Variants in ELOVL7 observed in about 807,000 individuals in gnomAD.
The protein encoded by ELOVL7 is ELOVL fatty acid elongase 7.
In ELOVL7, 27 loss-of-function variants were observed where a neutral mutation model predicts 35.7. That is an observed-to-expected ratio of 0.76 (90% CI 0.56 to 1.04). The LOEUF (loss-of-function observed/expected upper bound fraction) is 1.04. Among genes scored for constraint, ELOVL7 ranks in the 50% least tolerant of loss-of-function variants. The pLI is 0.00. For synonymous variants in ELOVL7, 113 were observed against 114.6 expected (o/e 0.99, Z 0.09); for missense variants, 327 against 340.8 (o/e 0.96, Z 0.32).
intron 3 of ELOVL7, among the ~76,000 whole-genome samples, chr5:60,784,377 A>G (rs984204489): frequency 3.9e-5 from 6 of 152,264 alleles, no homozygotes; most frequent in African/African-American, 1.4e-4. Context: ...TATTTTAAAC[A>G]TTAAAAACTT....
At chr5:60,755,219 A>G (rs763209993) in intron 8 of ELOVL7, among the ~76,000 whole-genome samples, 1 of 152,222 alleles carries the variant, frequency 6.6e-6, no homozygotes, top group Non-Finnish European at 1.5e-5. Flanking sequence ...TATGATTTCA[A>G]TTTCAAATAT....
intron 1 of ELOVL7, among the ~76,000 whole-genome samples, chr5:60,819,501 G>C (rs1445972068): frequency 1.3e-5 from 2 of 152,108 alleles, no homozygotes; most frequent in African/African-American, 4.8e-5. Flanking sequence ...ACGATCATAG[G>C]CTGGGAACGG....
At chr5:60,785,896 GT>G (rs1245621046) in intron 3 of ELOVL7, 1 of 152,198 alleles carries the variant, frequency 6.6e-6, no homozygotes, top group Non-Finnish European at 1.5e-5. Flanking sequence ...GTCTTTAGTA[GT>G]CTGCTGAGAA....
At position 60,772,066 on chromosome 5, in the gene ELOVL7, A is replaced by T; in HGVS notation, c.92T>A (p.Met31Lys). 1 of 1,610,860 alleles carries T rather than the reference A, an allele frequency of 6.2e-7. No homozygotes were observed. Among genetic ancestry groups the T allele is most frequent in the Non-Finnish European group, 8.5e-7 (1 of 1,178,420 alleles). The change falls in exon 4 of 9, where the codon ATG becomes AAG. Residue 31 changes from methionine (M) to lysine (K), a missense_variant. Physicochemically the swap from Met to Lys is moderately conservative, Grantham distance 95 (BLOSUM62 -1). Coordinates refer to ENST00000508821, the MANE Select transcript of ELOVL7 (RefSeq NM_024930.3). ...GATGGTTTGTGGCAGAGGCGAGGAC[A>T]TGAGGAGCCAATCTTCAACTCTTGG... ...ADPRVEDWLL[M>K]SSPLPQTILL...
chr5:60,811,800 C>T (rs528740174), intron 1 of ELOVL7, among the ~76,000 whole-genome samples: 72 of 152,278 alleles, frequency 4.7e-4, no homozygotes, highest in African/African-American at 1.7e-3. Flanking sequence ...GCCTCCAGAA[C>T]TGTAAGAAAT....
intron 1 of ELOVL7, among the ~76,000 whole-genome samples, chr5:60,815,027 G>A (rs989782726): frequency 5.3e-5 from 8 of 152,176 alleles, no homozygotes; most frequent in African/African-American, 1.9e-4. Flanking sequence ...CATATGAGCT[G>A]ATAGTCTTAA....
At chr5:60,758,849 T>C (rs1337535784) in intron 7 of ELOVL7, among the ~76,000 whole-genome samples, 1 of 152,210 alleles carries the variant, frequency 6.6e-6, no homozygotes, top group African/African-American at 2.4e-5. Flanking sequence ...TACATTTTTC[T>C]CTAAAACATT....
At chr5:60,779,030 C>T (rs1449847985) in intron 3 of ELOVL7, among the ~76,000 whole-genome samples, 2 of 152,208 alleles carry the variant, frequency 1.3e-5, no homozygotes, top group Non-Finnish European at 2.9e-5. Context: ...CTCAATGCTC[C>T]ACAATGATCA....
chr5:60,756,749 A>G (rs1741561575), intron 8 of ELOVL7, among the ~76,000 whole-genome samples: 1 of 152,150 alleles, frequency 6.6e-6, no homozygotes, highest in African/African-American at 2.4e-5. Context: ...AACCAAATTC[A>G]TACTTTCTCA....
intron 7 of ELOVL7, among the ~76,000 whole-genome samples, chr5:60,760,627 G>A (rs1457987286): frequency 2.0e-5 from 3 of 152,150 alleles, no homozygotes; most frequent in Admixed American, 6.5e-5. Context: ...TTGCTGTGCA[G>A]AAGCTCTTTA....
Position 60,757,521 on chromosome 5 carries a change from T to C in ELOVL7, c.624A>G (p.Thr208=), listed in dbSNP as rs567565911. ...ATTAATTACTCACAAGCTGTAATGA[T>C]GTCAAATATTTTTTCCACCACAAAT... ...QKYLWWKKYL[T]SLQLVQFVIV... is the part of the protein sequence containing the mutation. Residue 208 remains threonine (T), a synonymous_variant, in exon 8 of 9, where the codon ACA becomes ACG. Transcript: ENST00000508821. The C allele has an allele frequency of 6.2e-5, 100 of 1,613,374 alleles. No individual in the cohort carries two copies. In the South Asian group the frequency reaches 7.0e-4, roughly 11 times the overall value.
At chr5:60,807,386 C>G (rs909290652) in intron 1 of ELOVL7, among the ~76,000 whole-genome samples, 2 of 151,896 alleles carry the variant, frequency 1.3e-5, no homozygotes, top group African/African-American at 4.8e-5. Context: ...TGACTATAAA[C>G]TGAAATTATC....
At chr5:60,767,293 C>T (rs542424056) in intron 5 of ELOVL7, among the ~76,000 whole-genome samples, 6 of 152,174 alleles carry the variant, frequency 3.9e-5, no homozygotes, top group African/African-American at 9.6e-5. Flanking sequence ...GGGGTTTCAC[C>T]GTGTTGCCCG....
chr5:60,755,846 T>A (rs1395238906), intron 8 of ELOVL7, among the ~76,000 whole-genome samples: 1 of 152,152 alleles, frequency 6.6e-6, no homozygotes, highest in Non-Finnish European at 1.5e-5. Context: ...TAAAAAGCAA[T>A]ATGTGTTCTG....
In ELOVL7 at chr5:60,774,076, T is replaced by C. The variant is rs557660480; in HGVS notation, c.65-1983A>G. 1.6e-4 allele frequency among the ~76,000 whole-genome samples: 25 copies of C among 152,294 alleles called. No individual in the cohort carries two copies. The East Asian group carries it at 4.8e-3, about 29-fold the overall frequency. On this transcript the variant is annotated intron_variant, in intron 3 of 8. Coordinates refer to ENST00000508821, the MANE Select transcript of ELOVL7 (RefSeq NM_024930.3). ...ACATACAAAGAAGAGCTAGTACCAA[T>C]CCTACTGAAACTATTCCAAAAAATT...
chr5:60,771,946 T>C lies in ELOVL7; in HGVS notation c.212A>G (p.Tyr71Cys), dbSNP rs752495445. The change falls in exon 4 of 9, where the codon TAC becomes TGC. Residue 71 changes from tyrosine (Y) to cysteine (C), a missense_variant. Tyr to Cys is a radical substitution (Grantham distance 194). Coordinates refer to ENST00000508821, the MANE Select transcript of ELOVL7 (RefSeq NM_024930.3). Reference sequence around the variant, plus strand: ...AGAAAAGAGTACTATGAAAAAATTGTACGTTATCATTGCTTTCTTGAGTTC... The same window carrying C: ...AGAAAAGAGTACTATGAAAAAATTGCACGTTATCATTGCTTTCTTGAGTTC... ...PFELKKAMIT[Y>C]NFFIVLFSVY... The C allele has an allele frequency of 1.2e-6, 2 of 1,613,874 alleles. No individual in the cohort carries two copies. Among genetic ancestry groups the C allele is most frequent in the Non-Finnish European group, 1.7e-6 (2 of 1,179,870 alleles).
chr5:60,826,931 T>C (rs910743008), intron 1 of ELOVL7, among the ~76,000 whole-genome samples: 1 of 152,218 alleles, frequency 6.6e-6, no homozygotes, highest in African/African-American at 2.4e-5. Flanking sequence ...TTTGTATCCA[T>C]ACTACTTTCT....
chr5:60,769,492 A>G (rs897397386), intron 4 of ELOVL7, among the ~76,000 whole-genome samples: 4 of 152,226 alleles, frequency 2.6e-5, no homozygotes, highest in Non-Finnish European at 5.9e-5. Flanking sequence ...CTACACAAGA[A>G]GGCATCTGAG....
chr5:60,831,909 G>A (rs1218285139), intron 1 of ELOVL7, among the ~76,000 whole-genome samples: 1 of 152,016 alleles, frequency 6.6e-6, no homozygotes, highest in Non-Finnish European at 1.5e-5. Context: ...CCCCTTCTAT[G>A]CTTGGATCTT....
Sources: allele counts gnomAD v4.1 joint callset (sites outside exome capture counted in the v4.1 genomes callset), GRCh38; gene constraint gnomAD v4.1.1; transcripts MANE v1.5; gene names NCBI Gene and HGNC (gene_info 2026-07-23, HGNC 2026-07-21).